Variants in CCDC178 observed in about 807,000 individuals in gnomAD.
CCDC178 encodes the protein coiled-coil domain-containing protein 178.
Under a neutral mutation model 117.4 loss-of-function variants are expected in CCDC178, and 126 were observed. The ratio of observed to expected loss-of-function variants is 1.07; its 90% CI spans 0.93 to 1.24. The LOEUF (loss-of-function observed/expected upper bound fraction) is 1.24. Ranked by LOEUF, CCDC178 falls within the 50% of genes most tolerant of loss-of-function variation. The probability of loss-of-function intolerance (pLI) is 0.00; values close to 1 mark genes in which losing one functional copy is unlikely to be tolerated. For missense variants in CCDC178, 1,030 were observed against 986.9 expected, an observed-to-expected ratio of 1.04 and a Z score of -0.59; for synonymous variants, 283 against 313.4, an observed-to-expected ratio of 0.90 and a Z score of 1.02.
In CCDC178 at chr18:33,156,335, G is replaced by A. The variant is rs565550260; in HGVS notation, c.2238+55561C>T. Among the ~76,000 whole-genome samples the A allele has an allele frequency of 5.3e-5, 8 of 151,218 alleles. No individual in the cohort carries two copies. The South Asian group carries it at 8.3e-4, about 16-fold the overall frequency. ...AAACTCCTGACCTTGTGATCCGCCCGCCTCTGCCTCCCAAAGTGCTGGGAT... is the reference window on the plus strand; with the variant it reads ...AAACTCCTGACCTTGTGATCCGCCCACCTCTGCCTCCCAAAGTGCTGGGAT... On this transcript the variant is annotated intron_variant, in intron 20 of 22. Transcript: ENST00000383096.
At chr18:33,395,549 A>G (rs1449672452) in intron 4 of CCDC178, among the ~76,000 whole-genome samples, 1 of 152,120 alleles carries the variant, frequency 6.6e-6, no homozygotes, top group African/African-American at 2.4e-5. Flanking sequence ...CTGTGACATT[A>G]AAACTTTGGC....
Position 33,415,033 on chromosome 18 carries a change from T to C in CCDC178, c.-22-2923A>G, listed in dbSNP as rs2063914738. Among the ~76,000 whole-genome samples the C allele has an allele frequency of 2.6e-5, 4 of 152,146 alleles. No individual in the cohort carries two copies. The South Asian group carries it at 8.3e-4, about 32-fold the overall frequency. The stretch of plus-strand genomic sequence containing the variant: ...CTCACACCAGTTAGAATGGCGATCA[T>C]TAAAAAGTCAAGAAACAATAGATGC... On this transcript the variant is annotated intron_variant, in intron 2 of 22. Coordinates refer to ENST00000383096, the MANE Select transcript of CCDC178 (RefSeq NM_001105528.4).
At chr18:33,366,524 A>G (rs919162827) in intron 6 of CCDC178, among the ~76,000 whole-genome samples, 1 of 152,078 alleles carries the variant, frequency 6.6e-6, no homozygotes, top group Non-Finnish European at 1.5e-5. Flanking sequence ...CTACAACTCA[A>G]AATAAGAATT....
At chr18:33,033,107 G>A (rs1355283912) in intron 21 of CCDC178, among the ~76,000 whole-genome samples, 1 of 151,916 alleles carries the variant, frequency 6.6e-6, no homozygotes, top group African/African-American at 2.4e-5. Context: ...ATGGTCTGTT[G>A]TATTTTCTCT....
intron 14 of CCDC178, among the ~76,000 whole-genome samples, chr18:33,259,310 AG>A (rs1239342007): frequency 2.6e-5 from 4 of 152,178 alleles, no homozygotes; most frequent in African/African-American, 9.7e-5. Context: ...AGCTCCTGCT[AG>A]CTCCTTTCTT....
intron 14 of CCDC178, among the ~76,000 whole-genome samples, chr18:33,249,377 C>T (rs1409073716): frequency 6.6e-6 from 1 of 152,086 alleles, no homozygotes; most frequent in African/African-American, 2.4e-5. Context: ...CCTAAGTTTT[C>T]TTCTAGGGTT....
intron 20 of CCDC178, among the ~76,000 whole-genome samples, chr18:33,140,161 A>T (rs150085953): frequency 6.6e-6 from 1 of 152,242 alleles, no homozygotes; most frequent in African/African-American, 2.4e-5. Context: ...AAACACCTGG[A>T]TGTTGAGGCA....
intron 21 of CCDC178, among the ~76,000 whole-genome samples, chr18:32,979,321 G>C (rs556744668): frequency 6.6e-6 from 1 of 151,912 alleles, no homozygotes; most frequent in South Asian, 2.1e-4. Context: ...CCCACGCTGG[G>C]CTAATTTTTG....
At chr18:33,417,074 C>A (rs1204015553) in intron 2 of CCDC178, among the ~76,000 whole-genome samples, 1 of 152,096 alleles carries the variant, frequency 6.6e-6, no homozygotes, top group African/African-American at 2.4e-5. Flanking sequence ...ATGAACTTAA[C>A]AATAAGACGC....
At chr18:33,389,917 CTG>C (rs1240757173) in intron 4 of CCDC178, among the ~76,000 whole-genome samples, 1 of 151,268 alleles carries the variant, frequency 6.6e-6, no homozygotes, top group African/African-American at 2.4e-5. Context: ...CCAGGACACA[CTG>C]TGAAAATTAG....
At chr18:33,399,071 G>C (rs1291488780) in intron 3 of CCDC178, among the ~76,000 whole-genome samples, 1 of 152,130 alleles carries the variant, frequency 6.6e-6, no homozygotes. Flanking sequence ...GTGGTGGCAG[G>C]CGCCTGTAGT....
At chr18:33,354,100 A>G (rs2063018136) in intron 7 of CCDC178, among the ~76,000 whole-genome samples, 1 of 152,090 alleles carries the variant, frequency 6.6e-6, no homozygotes, top group Admixed American at 6.6e-5. Flanking sequence ...GCATTTAAAT[A>G]TGTCACCCCA....
intron 9 of CCDC178, among the ~76,000 whole-genome samples, chr18:33,333,787 C>T (rs1049554745): frequency 6.8e-4 from 104 of 152,226 alleles, no homozygotes; most frequent in African/African-American, 2.2e-3. Flanking sequence ...CCTGGGATTA[C>T]AGGCATGAGC....
At chr18:33,229,469 T>C (rs530484873) in intron 15 of CCDC178, among the ~76,000 whole-genome samples, 7 of 152,332 alleles carry the variant, frequency 4.6e-5, no homozygotes, top group African/African-American at 1.4e-4. Flanking sequence ...ATTATATGCT[T>C]TCTGGTAGAA....
At chr18:33,084,678 G>C (rs1290756841) in intron 21 of CCDC178, among the ~76,000 whole-genome samples, 2 of 151,588 alleles carry the variant, frequency 1.3e-5, no homozygotes, top group African/African-American at 4.9e-5. Context: ...TGGGCGGGGT[G>C]GTGTGCACCT....
At chr18:33,219,691 C>T (rs1217368648) in intron 18 of CCDC178, among the ~76,000 whole-genome samples, 1 of 151,942 alleles carries the variant, frequency 6.6e-6, no homozygotes, top group Non-Finnish European at 1.5e-5. Flanking sequence ...AACCAAACAC[C>T]ACATGTTCTC....
intron 21 of CCDC178, among the ~76,000 whole-genome samples, chr18:33,043,754 T>C (rs564374305): frequency 2.0e-5 from 3 of 152,034 alleles, no homozygotes; most frequent in African/African-American, 7.2e-5. Flanking sequence ...AAAGAAATTA[T>C]AGTATAACAC....
intron 3 of CCDC178, among the ~76,000 whole-genome samples, chr18:33,411,662 A>G (rs552670142): frequency 6.6e-6 from 1 of 152,342 alleles, no homozygotes; most frequent in South Asian, 2.1e-4. Flanking sequence ...TTTAATATCC[A>G]GCTGTTAGTT....
At chr18:33,062,891 G>GTGCAGCTAGGTCCT (rs112315720) in intron 21 of CCDC178, among the ~76,000 whole-genome samples, 21,647 of 152,072 alleles carry the variant, frequency 0.14, 2,393 homozygotes, top group African/African-American at 0.31. Flanking sequence ...CCAGGACCTA[G>GTGCAGCTAGGTCCT]CAGAACTCCA....
Sources: allele counts gnomAD v4.1 joint callset (sites outside exome capture counted in the v4.1 genomes callset), GRCh38; gene constraint gnomAD v4.1.1; transcripts MANE v1.5; gene names NCBI Gene and HGNC (gene_info 2026-07-23, HGNC 2026-07-21).